The following TGS1 variants were observed in gnomAD, a reference collection of about 807,000 sequenced individuals.
TGS1 encodes the protein trimethylguanosine synthase.
In TGS1, 69 loss-of-function variants were observed where a neutral mutation model predicts 92.2. That is an observed-to-expected ratio of 0.75 (90% confidence interval 0.62 to 0.91). The LOEUF is 0.91. TGS1 is among the 40% of genes least tolerant of loss of function. TGS1 has a pLI of 0.00. For synonymous variants in TGS1, 345 were observed against 338.1 expected (o/e 1.02, Z -0.22); for missense variants, 1,062 against 1,001.2 (o/e 1.06, Z -0.82).
chr8:55,798,729 G>A (rs1812128130), intron 7 of TGS1, among the ~76,000 whole-genome samples, 185 bp from the exon 8 acceptor site: 1 of 152,082 alleles, frequency 6.6e-6, no homozygotes, highest in African/African-American at 2.4e-5. Context: ...TAAGGTCATG[G>A]CATGCCCAGA....
At chr8:55,774,389 T>A (rs1205728464) in intron 1 of TGS1, among the ~76,000 whole-genome samples, 2 of 152,256 alleles carry the variant, frequency 1.3e-5, no homozygotes, top group Non-Finnish European at 2.9e-5. Context: ...ATGCTTATTT[T>A]GTTAGAGTTA....
At chr8:55,776,166 G>T (rs1463862225) in intron 1 of TGS1, among the ~76,000 whole-genome samples, 2 of 152,028 alleles carry the variant, frequency 1.3e-5, no homozygotes, top group Non-Finnish European at 2.9e-5. Context: ...ACTCTAAGGG[G>T]GTCTGCATGA....
Position 55,785,371 on chromosome 8 carries a change from TTTTG to T in TGS1, c.167-336_167-333del, listed in dbSNP as rs147518933. On this transcript the variant is annotated intron_variant, in intron 2 of 12. Coordinates refer to ENST00000260129, the MANE Select transcript of TGS1 (RefSeq NM_024831.8). ...GTGCCCAGCATACCGTCAATTGTTT[TTTTG>T]TTTGTTTGTTTTCTTTTTTCCTTTA... is the stretch of plus-strand genomic sequence containing the variant. 4.8e-3 allele frequency among the ~76,000 whole-genome samples: 730 copies of T among 152,216 alleles called. 7 individuals carry two copies. The highest frequency in any genetic ancestry group is 0.027 in the East Asian group (139 of 5,172).
rs530404869 is a variant in TGS1, at chr8:55,786,995, G to A, written c.1097G>A (p.Arg366His). 40 of 1,614,076 alleles carry A rather than the reference G, an allele frequency of 2.5e-5. No individual in the cohort carries two copies. The highest frequency in any genetic ancestry group is 6.7e-5 in the African/African-American group (5 of 75,032). Residue 366 changes from arginine (R) to histidine (H), a missense_variant, in exon 4 of 13, where the codon CGT becomes CAT. Physicochemically the swap from Arg to His is conservative, Grantham distance 29 (BLOSUM62 0). Transcript: ENST00000260129. ...CCTGCTTCCGGCCAAAGTGAACCAC[G>A]TAATGGAGGAACCAATGAGGAAAGC... ...ECPASGQSEP[R>H]NGGTNEESNS... is the part of the protein sequence containing the mutation.
At chr8:55,787,795 CAT>C (rs1811760401) in intron 4 of TGS1, among the ~76,000 whole-genome samples, 1 of 152,202 alleles carries the variant, frequency 6.6e-6, no homozygotes, top group African/African-American at 2.4e-5. Flanking sequence ...GTACAGGAAG[CAT>C]AGTCTCAGCA....
In TGS1 at chr8:55,780,125, A is replaced by G. The variant is rs528311676; in HGVS notation, c.102-2623A>G. On this transcript the variant is annotated intron_variant, in intron 1 of 12. Coordinates refer to ENST00000260129, the MANE Select transcript of TGS1 (RefSeq NM_024831.8). Reference sequence around the variant, plus strand: ...ACCCACCTCAGCCTCCCAAAGTGCTAGGATTATAGGCATGAGCCACCATGT... The same window carrying G: ...ACCCACCTCAGCCTCCCAAAGTGCTGGGATTATAGGCATGAGCCACCATGT... Among the ~76,000 whole-genome samples the G allele has an allele frequency of 2.3e-4, 34 of 148,842 alleles. No individual in the cohort carries two copies. The East Asian group carries it at 6.2e-3, about 27-fold the overall frequency.
intron 11 of TGS1, among the ~76,000 whole-genome samples, chr8:55,811,449 G>C (rs1277040837): frequency 2.0e-5 from 3 of 151,530 alleles, no homozygotes; most frequent in African/African-American, 7.3e-5. Context: ...GTGACAGAGC[G>C]GGACTCTGTC....
Position 55,817,444 on chromosome 8 carries a change from T to C in TGS1, c.2439+4326T>C, listed in dbSNP as rs56262317. Among the ~76,000 whole-genome samples, 482 of 152,342 alleles carry C rather than the reference T, an allele frequency of 3.2e-3. 1 individual carries two copies. Among genetic ancestry groups the C allele is most frequent in the Middle Eastern group, 6.8e-3 (2 of 294 alleles). The stretch of plus-strand genomic sequence containing the variant: ...GAAAAACTATTAGGTAATATTGTTA[T>C]GTGGAAAATGTTTTAAATATAACTA... On this transcript the variant is annotated intron_variant, in intron 12 of 12. Transcript: ENST00000260129.
Position 55,824,789 on chromosome 8 carries a change from T to G in TGS1, c.*86T>G, listed in dbSNP as rs982744047. The G allele has an allele frequency of 1.3e-6, 2 of 1,498,610 alleles. No individual in the cohort carries two copies. The highest frequency in any genetic ancestry group is 3.7e-5 in the Admixed American group (2 of 54,282). 92.8% of individuals were successfully genotyped at this position (1,498,610 alleles called of 1,614,324 possible). On this transcript the variant is annotated 3_prime_UTR_variant, in exon 13 of 13. Coordinates refer to ENST00000260129, the MANE Select transcript of TGS1 (RefSeq NM_024831.8). ...TGGCATGTCTTCCTTTATTCACTGA[T>G]ATTTTCTACCCATGGTCTTATATCA...
chr8:55,824,530 T>C, intron 12 of TGS1, 51 bp from the exon 13 acceptor site: 2 of 1,607,422 alleles, frequency 1.2e-6, no homozygotes, highest in South Asian at 1.1e-5. Flanking sequence ...TGAAAGACTT[T>C]TGAAATTATG....
chr8:55,789,268 C>T (rs1811806835), intron 4 of TGS1, among the ~76,000 whole-genome samples: 1 of 152,134 alleles, frequency 6.6e-6, no homozygotes. Context: ...AGAACAAAGA[C>T]AGATTTGTGC....
At chr8:55,776,652 C>T (rs1007404829) in intron 1 of TGS1, among the ~76,000 whole-genome samples, 1 of 152,180 alleles carries the variant, frequency 6.6e-6, no homozygotes, top group African/African-American at 2.4e-5. Context: ...GGTGTGGCGC[C>T]GGGCTGTCTG....
chr8:55,776,968 G>A (rs530548727), intron 1 of TGS1, among the ~76,000 whole-genome samples: 242 of 151,762 alleles, frequency 1.6e-3, no homozygotes, highest in Admixed American at 7.2e-3. Context: ...TGGTGGTGGC[G>A]GGGTGGTTCT....
chr8:55,774,413 G>A (rs1811319768), intron 1 of TGS1, among the ~76,000 whole-genome samples: 1 of 152,180 alleles, frequency 6.6e-6, no homozygotes, highest in African/African-American at 2.4e-5. Flanking sequence ...CCTTGTGGAA[G>A]TGAATTTTAT....
At chr8:55,802,742 C>T (rs1484162806) in intron 9 of TGS1, 136 bp downstream of exon 9, 5 of 774,804 alleles carry the variant, frequency 6.5e-6, no homozygotes, top group Admixed American at 6.2e-5. Context: ...GCCCCGTTTA[C>T]GTTCTCATTC....
In TGS1 at chr8:55,813,079, T is replaced by C. The variant is rs565179640; in HGVS notation, c.2400T>C (p.Asn800=). Reference sequence around the variant, plus strand: ...GACTTTCTAAGAAGATCACTAATAATATTGTTTATTTTCTTCCAAGAAATG... The same window carrying C: ...GACTTTCTAAGAAGATCACTAATAACATTGTTTATTTTCTTCCAAGAAATG... The part of the protein sequence containing the change: ...IFRLSKKITN[N]IVYFLPRNAD... Residue 800 remains asparagine (N), a synonymous_variant, in exon 12 of 13, where the codon AAT becomes AAC. Transcript: ENST00000260129. The C allele has an allele frequency of 1.2e-6, 2 of 1,611,022 alleles. No homozygotes were observed. Among genetic ancestry groups the C allele is most frequent in the South Asian group, 2.2e-5 (2 of 90,776 alleles).
intron 12 of TGS1, among the ~76,000 whole-genome samples, chr8:55,821,728 C>A (rs1397225623): frequency 1.3e-5 from 2 of 151,692 alleles, no homozygotes; most frequent in Admixed American, 1.3e-4. Flanking sequence ...AAAAAATTAG[C>A]CGGGTGTGGT....
intron 1 of TGS1, among the ~76,000 whole-genome samples, chr8:55,776,740 G>C (rs1811412833): frequency 6.6e-6 from 1 of 152,014 alleles, no homozygotes; most frequent in Admixed American, 6.6e-5. Context: ...CAATATGAGG[G>C]GTGGTCTCCT....
At chr8:55,805,279 AT>A (rs897143774) in intron 10 of TGS1, among the ~76,000 whole-genome samples, 2 of 152,128 alleles carry the variant, frequency 1.3e-5, no homozygotes, top group Admixed American at 1.3e-4. Flanking sequence ...TTACACCCAG[AT>A]TTTTTTCAGT....
Sources: allele counts gnomAD v4.1 joint callset (sites outside exome capture counted in the v4.1 genomes callset), GRCh38; gene constraint gnomAD v4.1.1; transcripts MANE v1.5; gene names NCBI Gene and HGNC (gene_info 2026-07-23, HGNC 2026-07-21).